Variants in CHM observed in about 807,000 individuals in gnomAD.
CHM encodes the protein rab proteins geranylgeranyltransferase component A 1.
CHM carries 10 observed loss-of-function variants against 49.0 expected under a neutral mutation model. The ratio of observed to expected loss-of-function variants is 0.20; its 90% CI spans 0.13 to 0.35. The LOEUF is 0.35. Ranked by LOEUF, CHM falls within the 10% of genes least tolerant of loss-of-function variation. The probability of loss-of-function intolerance (pLI) is 1.00; values close to 1 mark genes in which losing one functional copy is unlikely to be tolerated. For synonymous variants in CHM, 184 were observed against 167.5 expected (o/e 1.10, Z -0.76); for missense variants, 455 against 478.4 (o/e 0.95, Z 0.46).
intron 2 of CHM, among the ~76,000 whole-genome samples, chrX:86,004,099 G>A (rs1396730667): frequency 8.9e-6 from 1 of 111,894 alleles, no homozygotes; most frequent in Admixed American, 9.5e-5. Flanking sequence ...GAGAGTGGGG[G>A]CCAATATTCA....
At chrX:85,996,062 T>C (rs192457613) in intron 2 of CHM, among the ~76,000 whole-genome samples, 2 of 112,003 alleles carry the variant, frequency 1.8e-5, no homozygotes, top group Admixed American at 1.9e-4. Context: ...AAAATACTTA[T>C]CTCTGAGTTA....
intron 9 of CHM, among the ~76,000 whole-genome samples, chrX:85,904,657 T>C (rs1044216389): frequency 8.9e-6 from 1 of 112,062 alleles, no homozygotes; most frequent in Non-Finnish European, 1.9e-5. Context: ...CTAGTCACTA[T>C]GCCCTTCTGA....
At chrX:85,879,270 T>G (rs1023432677) in intron 12 of CHM, among the ~76,000 whole-genome samples, 1 of 111,542 alleles carries the variant, frequency 9.0e-6, no homozygotes, top group Non-Finnish European at 1.9e-5. Flanking sequence ...TAGAAAATCT[T>G]AGACAATCAT....
At chrX:85,943,839 A>C (rs1929259609) in intron 8 of CHM, among the ~76,000 whole-genome samples, 1 of 111,935 alleles carries the variant, frequency 8.9e-6, no homozygotes, top group Non-Finnish European at 1.9e-5. Context: ...ATTTGTAAAA[A>C]TTAGACAACC....
chrX:86,011,239 T>G lies in CHM; in HGVS notation c.116+16252A>C, dbSNP rs181300571. Among the ~76,000 whole-genome samples, 10 of 111,177 alleles carry G rather than the reference T, an allele frequency of 9.0e-5. No individual in the cohort carries two copies. In the East Asian group the frequency reaches 2.8e-3, roughly 32 times the overall value. On this transcript the variant is annotated intron_variant, in intron 2 of 14. Coordinates refer to ENST00000357749, the MANE Select transcript of CHM (RefSeq NM_000390.4). ...TGAAAAATGTTATATTACAAAAACA[T>G]GCATGGTACTTGAAAGCACAAAGAG...
chrX:86,025,676 CAA>C (rs759664490), intron 2 of CHM, among the ~76,000 whole-genome samples: 8 of 37,420 alleles, frequency 2.1e-4, no homozygotes, highest in Non-Finnish European at 2.0e-4. Context: ...GATCCTGTGT[CAA>C]AAAAAAAAAA....
chrX:85,951,950 T>C (rs55682718), intron 8 of CHM, among the ~76,000 whole-genome samples: 25,037 of 111,103 alleles, frequency 0.23, 2,168 homozygotes, highest in Non-Finnish European at 0.25. Context: ...GCATTGAACT[T>C]GGTGCTGCCC....
chrX:86,001,757 A>AAAT (rs1372070630), intron 2 of CHM, among the ~76,000 whole-genome samples: 15 of 110,992 alleles, frequency 1.4e-4, no homozygotes, highest in Non-Finnish European at 2.8e-4. Context: ...ATTACATTTC[A>AAAT]ACATGAAATT....
chrX:86,002,245 C>T, intron 2 of CHM, among the ~76,000 whole-genome samples: 1 of 111,892 alleles, frequency 8.9e-6, no homozygotes, highest in Non-Finnish European at 1.9e-5. Flanking sequence ...ACAAAGAAAA[C>T]CCTAGGGGGT....
chrX:85,958,018 T>G (rs772855826), intron 6 of CHM, 43 bp from the exon 7 acceptor site: 2 of 1,191,659 alleles, frequency 1.7e-6, no homozygotes, highest in Non-Finnish European at 2.3e-6. Flanking sequence ...TGCTTCCTAA[T>G]GATATAACTA....
intron 1 of CHM, among the ~76,000 whole-genome samples, chrX:86,032,619 C>A (rs1453042800): frequency 8.9e-6 from 1 of 111,890 alleles, no homozygotes; most frequent in Non-Finnish European, 1.9e-5. Flanking sequence ...CATTTAATAT[C>A]ATTTAAACAT....
At chrX:85,907,291 T>G (rs1317875675) in intron 9 of CHM, among the ~76,000 whole-genome samples, 2 of 111,920 alleles carry the variant, frequency 1.8e-5, no homozygotes, top group African/African-American at 6.5e-5. Context: ...GCAGCTGAAG[T>G]AATTAATTAC....
chrX:85,901,936 T>A (rs1926315418), intron 9 of CHM, among the ~76,000 whole-genome samples: 1 of 111,664 alleles, frequency 9.0e-6, no homozygotes, highest in Admixed American at 9.5e-5. Context: ...AAAATTAGAA[T>A]CCATCTCCTT....
intron 1 of CHM, among the ~76,000 whole-genome samples, chrX:86,034,618 T>C (rs973778929): frequency 1.8e-5 from 2 of 110,384 alleles, no homozygotes; most frequent in Non-Finnish European, 3.8e-5. Flanking sequence ...CTGTCTCTAC[T>C]AAAAATACAA....
At chrX:85,986,980 A>G (rs1931950220) in intron 2 of CHM, among the ~76,000 whole-genome samples, 1 of 111,876 alleles carries the variant, frequency 8.9e-6, no homozygotes, top group Admixed American at 9.5e-5. Context: ...AAACTAACAA[A>G]TCTGACAAAG....
chrX:85,957,988 A>G lies in CHM; in HGVS notation c.820-13T>C, dbSNP rs1447948308. The stretch of plus-strand genomic sequence containing the variant: ...TGGAACACGGAACCTGAAAAATATT[A>G]TGATTTTAAGTTAAGAAACTGCTTC... On this transcript the variant is annotated splice_polypyrimidine_tract_variant and intron_variant, in intron 6 of 14. Transcript: ENST00000357749. 2.5e-6 allele frequency: 3 copies of G among 1,206,734 alleles called. No homozygotes were observed. In the African/African-American group the frequency reaches 5.2e-5, roughly 21 times the overall value.
chrX:86,032,047 C>T (rs1381079870), intron 1 of CHM, among the ~76,000 whole-genome samples: 4 of 111,865 alleles, frequency 3.6e-5, no homozygotes, highest in African/African-American at 1.3e-4. Context: ...ATTTTAATGG[C>T]ACTTAAACTC....
At chrX:86,026,097 A>ATTTT (rs1398285252) in intron 2 of CHM, among the ~76,000 whole-genome samples, 3 of 30,484 alleles carry the variant, frequency 9.8e-5, no homozygotes, top group Non-Finnish European at 1.4e-4. Flanking sequence ...AAGGTAGCAG[A>ATTTT]TTTTCTTTTT....
intron 1 of CHM, among the ~76,000 whole-genome samples, chrX:86,038,023 T>A (rs949825901): frequency 5.4e-5 from 6 of 111,722 alleles, no homozygotes; most frequent in African/African-American, 2.0e-4. Flanking sequence ...GCACAAGTAT[T>A]TCAGTGGGAA....
Sources: allele counts gnomAD v4.1 joint callset (sites outside exome capture counted in the v4.1 genomes callset), GRCh38; gene constraint gnomAD v4.1.1; transcripts MANE v1.5; gene names NCBI Gene and HGNC (gene_info 2026-07-23, HGNC 2026-07-21).